Variants in SH3TC1 observed in about 807,000 individuals in gnomAD.
The protein encoded by SH3TC1 is SH3 domain and tetratricopeptide repeats 1, also known as SH3 domain and tetratricopeptide repeat-containing protein 1.
A neutral mutation model predicts 117.3 loss-of-function variants in SH3TC1; 135 were observed. That is an observed-to-expected ratio of 1.15 (90% confidence interval 1.00 to 1.33). The LOEUF is 1.33. Ranked by LOEUF, SH3TC1 falls within the 40% of genes most tolerant of loss-of-function variation. The pLI, the probability that SH3TC1 is intolerant of heterozygous loss-of-function variation, is 0.00. For missense variants in SH3TC1, 2,092 were observed against 1,794.3 expected, an observed-to-expected ratio of 1.17 and a Z score of -3.00; for synonymous variants, 898 against 816.9, an observed-to-expected ratio of 1.10 and a Z score of -1.69.
chr4:8,184,580 T>C (rs1717169421), intron 1 of SH3TC1, among the ~76,000 whole-genome samples: 1 of 152,180 alleles, frequency 6.6e-6, no homozygotes, highest in Non-Finnish European at 1.5e-5. Context: ...GGTCTCATCA[T>C]GTTGCTCAGG....
intron 10 of SH3TC1, among the ~76,000 whole-genome samples, chr4:8,224,854 G>A (rs1037556198): frequency 2.0e-5 from 3 of 152,190 alleles, no homozygotes; most frequent in Non-Finnish European, 4.4e-5. Flanking sequence ...ACGGGAGAGT[G>A]GAATCCCCAC....
Position 8,210,381 on chromosome 4 carries a change from C to T in SH3TC1, c.247+559C>T, listed in dbSNP as rs1293633322. On this transcript the variant is annotated intron_variant, in intron 3 of 17. Transcript: ENST00000245105. This position sits in a 1 kb window ranked among gnomAD's most constrained non-coding sequence, Gnocchi z 4.1. Reference sequence around the variant, plus strand: ...CTGGCTTTGCCCCTTGGCGGTGATGCCCGACTGTCCTTTGACTTTCCTTTT... The same window carrying T: ...CTGGCTTTGCCCCTTGGCGGTGATGTCCGACTGTCCTTTGACTTTCCTTTT... Among the ~76,000 whole-genome samples the T allele has an allele frequency of 2.0e-5, 3 of 152,258 alleles. No individual in the cohort carries two copies. Among genetic ancestry groups the T allele is most frequent in the Non-Finnish European group, 4.4e-5 (3 of 68,038 alleles).
chr4:8,220,389 G>A (rs572649385), intron 9 of SH3TC1, among the ~76,000 whole-genome samples: 16 of 152,014 alleles, frequency 1.1e-4, no homozygotes, highest in African/African-American at 2.9e-4. Context: ...GGCTCCTCTG[G>A]GGGGGGCACT....
Position 8,192,748 on chromosome 4 carries a change from TC to T in SH3TC1, c.-57+10541del, listed in dbSNP as rs1717454884. ...ACCTCGTGATCCACCTGCCTTGGTC[TC>T]CCTAAGTGCTGGGATTACAGGCGTG... On this transcript the variant is annotated intron_variant, in intron 1 of 16. Coordinates refer to the SH3TC1 transcript ENST00000508641. The surrounding 1 kb of genome is among the most constrained non-coding windows in gnomAD (Gnocchi z 4.1). Among the ~76,000 whole-genome samples the T allele has an allele frequency of 6.6e-6, 1 of 152,180 alleles. No homozygotes were observed. The highest frequency in any genetic ancestry group is 1.5e-5 in the Non-Finnish European group (1 of 68,050).
At chr4:8,237,202 T>C (rs549658349) in intron 16 of SH3TC1, 37 of 392,054 alleles carry the variant, frequency 9.4e-5, no homozygotes, top group Non-Finnish European at 5.4e-5. Flanking sequence ...TGGGCTCTCC[T>C]GGTTAAAAAC....
chr4:8,188,599 G>A (rs1717302401), intron 1 of SH3TC1, among the ~76,000 whole-genome samples: 1 of 152,244 alleles, frequency 6.6e-6, no homozygotes, highest in African/African-American at 2.4e-5. Flanking sequence ...TGTGGTACCT[G>A]GACCGCTACG....
At position 8,186,043 on chromosome 4, in the gene SH3TC1, G is replaced by T. The variant is rs7693229; in HGVS notation, c.-57+3833G>T. ...TTGAGCAACATTTCCTACATTTTAC[G>T]GTGATAGGCAGGAGCTGTCCGCGCG... On this transcript the variant is annotated intron_variant, in intron 1 of 16. Coordinates refer to the SH3TC1 transcript ENST00000508641. The surrounding 1 kb of genome is among the most constrained non-coding windows in gnomAD (Gnocchi z 5.2). Among the ~76,000 whole-genome samples the T allele has an allele frequency of 1.4e-3, 212 of 152,280 alleles. 1 individual carries two copies. Among genetic ancestry groups the T allele is most frequent in the African/African-American group, 4.8e-3 (198 of 41,558 alleles).
At chr4:8,232,900 A>G in intron 13 of SH3TC1, 1 of 1,203,244 alleles carries the variant, frequency 8.3e-7, no homozygotes, top group Admixed American at 3.4e-5. Context: ...CATGTCACCT[A>G]GGAGCTTGTG....
At chr4:8,240,534 G>A (rs950440671) in intron 17 of SH3TC1, among the ~76,000 whole-genome samples, 164 bp from the exon 18 acceptor site, 2 of 152,200 alleles carry the variant, frequency 1.3e-5, no homozygotes, top group Admixed American at 1.3e-4. Flanking sequence ...TGCCAGGGCC[G>A]TCTCCACCTC....
At chr4:8,219,645 G>A in intron 9 of SH3TC1, 115 bp downstream of exon 9, 2 of 1,157,764 alleles carry the variant, frequency 1.7e-6, no homozygotes, top group Non-Finnish European at 2.3e-6. Flanking sequence ...TGTGGACGAT[G>A]CCTAGTCTCT....
chr4:8,227,094 G>A lies in SH3TC1; in HGVS notation c.1400G>A (p.Gly467Asp). 1.2e-6 allele frequency: 2 copies of A among 1,612,590 alleles called. No homozygotes were observed. The highest frequency in any genetic ancestry group is 1.7e-6 in the Non-Finnish European group (2 of 1,179,666). Reference sequence around the variant, plus strand: ...TGCCCCCAGGAGCCAGCGTCCTGGGGTCTCTGTGCGGCATCCAGCGACGTG... The same window carrying A: ...TGCCCCCAGGAGCCAGCGTCCTGGGATCTCTGTGCGGCATCCAGCGACGTG... ...PGCPQEPASW[G>D]LCAASSDVSL... is the part of the protein sequence containing the mutation. The change falls in exon 12 of 18, where the codon GGT becomes GAT. Residue 467 changes from glycine (G) to aspartate (D), a missense_variant. Coordinates refer to ENST00000245105, the MANE Select transcript of SH3TC1 (RefSeq NM_018986.5).
chr4:8,233,628 ATCCT>A (rs1158155381), intron 14 of SH3TC1, 115 bp downstream of exon 14: 70 of 1,262,344 alleles, frequency 5.5e-5, no homozygotes, highest in South Asian at 5.1e-4. Context: ...TTACCTGTTC[ATCCT>A]TCCTTCCATC....
upstream of SH3TC1, among the ~76,000 whole-genome samples, chr4:8,195,535 C>T (rs1404538244): frequency 1.3e-5 from 2 of 152,206 alleles, no homozygotes; most frequent in Admixed American, 6.5e-5. Flanking sequence ...AAAATTCCCC[C>T]GGCCTTGGGC....
rs929103288 is a variant in SH3TC1, at chr4:8,225,577, C to T, written c.1285+361C>T. On this transcript the variant is annotated intron_variant, in intron 11 of 17. Transcript: ENST00000245105. This position sits in a 1 kb window ranked among gnomAD's most constrained non-coding sequence, Gnocchi z 5.5. The stretch of plus-strand genomic sequence containing the variant: ...TCTGCCTCAGAGATGGGAGGCCACA[C>T]TGCCCTCAGTGGGTGGCAGAATTCA... Among the ~76,000 whole-genome samples the T allele has an allele frequency of 6.6e-6, 1 of 152,196 alleles. No individual in the cohort carries two copies. Among genetic ancestry groups the T allele is most frequent in the Non-Finnish European group, 1.5e-5 (1 of 68,034 alleles).
Position 8,228,455 on chromosome 4 carries a change from C to G in SH3TC1, c.2761C>G (p.Leu921Val), listed in dbSNP as rs1720780943. 3 of 1,605,282 alleles carry G rather than the reference C, an allele frequency of 1.9e-6. No individual in the cohort carries two copies. The highest frequency in any genetic ancestry group is 4.5e-5 in the East Asian group (2 of 44,800). ...ALCLHAGASRLAQHYLLEAVR... is the reference protein window; with the variant it reads ...ALCLHAGASRVAQHYLLEAVR... ...GTGCCTGCATGCGGGTGCCAGCAGGCTGGCCCAGCACTACCTCCTGGAGGC... is the reference window on the plus strand; with the variant it reads ...GTGCCTGCATGCGGGTGCCAGCAGGGTGGCCCAGCACTACCTCCTGGAGGC... The change falls in exon 12 of 18, where the codon CTG (leucine) becomes GTG (valine). Residue 921 changes from leucine (L) to valine (V), a missense_variant. Transcript: ENST00000245105.
At chr4:8,228,679 G>T in intron 12 of SH3TC1, 35 bp downstream of exon 12, 1 of 1,414,306 alleles carries the variant, frequency 7.1e-7, no homozygotes, top group Non-Finnish European at 9.3e-7. Flanking sequence ...TGCCTTCCGG[G>T]GCCACTCGGG....
At position 8,209,550 on chromosome 4, in the gene SH3TC1, A is replaced by G. The variant is rs78447303; in HGVS notation, c.173-198A>G. On this transcript the variant is annotated intron_variant, in intron 2 of 17. Coordinates refer to ENST00000245105, the MANE Select transcript of SH3TC1 (RefSeq NM_018986.5). The surrounding 1 kb of genome is among the most constrained non-coding windows in gnomAD (Gnocchi z 5.9). Reference sequence around the variant, plus strand: ...CTCTGAGTGTGGGGCAGCTTGTCACAGCATGCTGGGAAGTGCAGGCAGCTT... The same window carrying G: ...CTCTGAGTGTGGGGCAGCTTGTCACGGCATGCTGGGAAGTGCAGGCAGCTT... The G allele has an allele frequency of 1.4e-5, 18 of 1,260,164 alleles. No homozygotes were observed. Among genetic ancestry groups the G allele is most frequent in the Admixed American group, 2.0e-5 (1 of 48,798 alleles). The allele number at this position is 1,260,164 out of a possible 1,614,324, so 78.1% of individuals were successfully genotyped here. A position where few individuals can be genotyped will look rare whatever the true frequency, so the allele number is the denominator to read the frequency against.
Position 8,218,330 on chromosome 4 carries a change from C to T in SH3TC1, c.899C>T (p.Pro300Leu), listed in dbSNP as rs1578692893. The T allele has an allele frequency of 1.2e-6, 2 of 1,611,244 alleles. No individual in the cohort carries two copies. Among genetic ancestry groups the T allele is most frequent in the African/African-American group, 1.3e-5 (1 of 74,984 alleles). The change falls in exon 8 of 18, where the codon CCC (proline) becomes CTC (leucine). Residue 300 changes from proline (P) to leucine (L), a missense_variant. Pro to Leu is a moderately conservative substitution (Grantham distance 98). Coordinates refer to ENST00000245105, the MANE Select transcript of SH3TC1 (RefSeq NM_018986.5). ...IDDAMGGPVM[P>L]GNPLMAVGLA... ...GATGCCATGGGTGGCCCTGTGATGCCCGGCAACCCGCTGATGGGTAAGTGT... is the reference window on the plus strand; with the variant it reads ...GATGCCATGGGTGGCCCTGTGATGCTCGGCAACCCGCTGATGGGTAAGTGT...
At chr4:8,232,315 G>C in intron 13 of SH3TC1, 159 bp downstream of exon 13, 1 of 1,487,390 alleles carries the variant, frequency 6.7e-7, no homozygotes, top group Non-Finnish European at 9.2e-7. Flanking sequence ...GCCTGGGGTT[G>C]TCCCAGGGCT....
Sources: allele counts gnomAD v4.1 joint callset (sites outside exome capture counted in the v4.1 genomes callset), GRCh38; gene constraint gnomAD v4.1.1; non-coding constraint Gnocchi (gnomAD v3.1); transcripts MANE v1.5; gene names NCBI Gene and HGNC (gene_info 2026-07-23, HGNC 2026-07-21).